ENTREP2: variants seen among roughly 807,000 people sequenced by gnomAD.
ENTREP2 encodes protein ENTREP2.
At chr15:29,645,548 C>CTTATTTAT in the ENTREP2 span, among the ~76,000 whole-genome samples, 22 of 151,374 alleles carry the variant, frequency 1.5e-4, no homozygotes, top group African/African-American at 3.9e-4. Flanking sequence ...ATGTGATTAC[C>CTTATTTAT]TTATTTATTT....
At chr15:29,445,419 C>T in the ENTREP2 span, among the ~76,000 whole-genome samples, 1 of 152,102 alleles carries the variant, frequency 6.6e-6, no homozygotes, top group Admixed American at 6.5e-5. Context: ...ACCACCACCC[C>T]TCACCTTAGG....
the ENTREP2 span, among the ~76,000 whole-genome samples, chr15:29,636,873 TAG>T: frequency 2.0e-5 from 3 of 152,242 alleles, no homozygotes; most frequent in African/African-American, 7.2e-5. Flanking sequence ...TTGAGAGATT[TAG>T]AGTGACTTAT....
chr15:29,647,238 A>C, the ENTREP2 span, among the ~76,000 whole-genome samples: 1 of 152,250 alleles, frequency 6.6e-6, no homozygotes, highest in Non-Finnish European at 1.5e-5. Flanking sequence ...CTAAAAACAC[A>C]CAGGTAGATC....
the ENTREP2 span, chr15:29,137,105 G>GA: frequency 6.8e-7 from 1 of 1,467,860 alleles, no homozygotes; most frequent in Non-Finnish European, 9.0e-7. Context: ...GTGGGGGGAT[G>GA]AACTCGTCGA....
the ENTREP2 span, among the ~76,000 whole-genome samples, chr15:29,449,871 T>C: frequency 0.043 from 6,620 of 152,318 alleles, 194 homozygotes; most frequent in Non-Finnish European, 0.07. Context: ...TATTAAGAAG[T>C]GTTTAAGCAG....
At chr15:29,566,825 A>G in the ENTREP2 span, among the ~76,000 whole-genome samples, 2 of 146,320 alleles carry the variant, frequency 1.4e-5, no homozygotes, top group Non-Finnish European at 3.0e-5. Context: ...AATCCAGTGG[A>G]GTTGCTTTTT....
the ENTREP2 span, among the ~76,000 whole-genome samples, chr15:29,655,189 T>C: frequency 2.0e-5 from 3 of 152,198 alleles, no homozygotes; most frequent in Middle Eastern, 3.2e-3. Flanking sequence ...CCTCAGCTTT[T>C]TCCATGTGCC....
the ENTREP2 span, chr15:29,196,369 C>A: frequency 6.5e-7 from 1 of 1,527,548 alleles, no homozygotes; most frequent in South Asian, 1.2e-5. Context: ...AATAAGGCTT[C>A]CTAAACTGTC....
the ENTREP2 span, among the ~76,000 whole-genome samples, chr15:29,663,694 C>A: frequency 6.6e-6 from 1 of 152,006 alleles, no homozygotes; most frequent in African/African-American, 2.4e-5. Context: ...AGGGGAACAT[C>A]ACACCCCGCG....
the ENTREP2 span, among the ~76,000 whole-genome samples, chr15:29,145,187 C>G: frequency 6.6e-6 from 1 of 152,182 alleles, no homozygotes; most frequent in South Asian, 2.1e-4. Context: ...GGATTTATCT[C>G]GCAAATGCAA....
the ENTREP2 span, chr15:29,117,782 A>ACTC: frequency 6.6e-6 from 1 of 151,756 alleles, no homozygotes; most frequent in Non-Finnish European, 1.5e-5. Context: ...TTTTTTCCAG[A>ACTC]CTCTAGGGTT....
chr15:29,135,615 G>A, the ENTREP2 span, among the ~76,000 whole-genome samples: 83 of 152,240 alleles, frequency 5.5e-4, 1 homozygote, highest in East Asian at 0.012. This position sits in a 1 kb window ranked among gnomAD's most constrained non-coding sequence, Gnocchi z 7.4. Flanking sequence ...GCTCCATTAC[G>A]GACAACATCC....
chr15:29,171,689 C>A, the ENTREP2 span, among the ~76,000 whole-genome samples: 1 of 152,094 alleles, frequency 6.6e-6, no homozygotes, highest in Non-Finnish European at 1.5e-5. Context: ...CTCAAGTACT[C>A]CAACTAAATC....
the ENTREP2 span, among the ~76,000 whole-genome samples, chr15:29,551,207 C>A: frequency 6.6e-6 from 1 of 152,180 alleles, no homozygotes; most frequent in Non-Finnish European, 1.5e-5. Flanking sequence ...GCAGCTAGAG[C>A]TCAGGCATAT....
chr15:29,436,831 C>T, the ENTREP2 span, among the ~76,000 whole-genome samples: 10 of 152,290 alleles, frequency 6.6e-5, no homozygotes, highest in Admixed American at 2.6e-4. Flanking sequence ...GTTTTTCAAA[C>T]GTATCTGTAA....
chr15:29,269,519 G>A, the ENTREP2 span: 2 of 1,576,806 alleles, frequency 1.3e-6, no homozygotes, highest in Non-Finnish European at 8.6e-7. Flanking sequence ...TGAGGCGAGG[G>A]GCCCTGCGAC....
At chr15:29,590,840 T>TA in the ENTREP2 span, among the ~76,000 whole-genome samples, 2 of 152,140 alleles carry the variant, frequency 1.3e-5, no homozygotes, top group Non-Finnish European at 1.5e-5. Flanking sequence ...AACACACTGA[T>TA]AAGAAGCCTG....
chr15:29,269,188 G>C, the ENTREP2 span: 1 of 1,614,152 alleles, frequency 6.2e-7, no homozygotes, highest in Non-Finnish European at 8.5e-7. Flanking sequence ...CGTAGTGGGC[G>C]TGCCTTGGTC....
At chr15:29,167,487 A>C in the ENTREP2 span, among the ~76,000 whole-genome samples, 1 of 152,204 alleles carries the variant, frequency 6.6e-6, no homozygotes, top group Middle Eastern at 3.2e-3. Flanking sequence ...AAAACAAAGA[A>C]TCCCATCAAA....
Sources: gnomAD v4.1 joint callset for allele counts (sites outside exome capture counted in the v4.1 genomes callset) on GRCh38, gnomAD v4.1.1 for gene constraint, Gnocchi (gnomAD v3.1) non-coding constraint, MANE v1.5 for transcripts, NCBI Gene and HGNC (gene_info 2026-07-23, HGNC 2026-07-21) for gene names.